Variants in GLT1D1 observed in about 807,000 individuals in gnomAD.
GLT1D1 encodes glycosyltransferase 1 domain containing 1, also known as glycosyltransferase 1 domain-containing protein 1.
Under a neutral mutation model 28.7 loss-of-function variants are expected in GLT1D1, and 21 were observed. The ratio of observed to expected loss-of-function variants is 0.73; its 90% confidence interval spans 0.52 to 1.05. The LOEUF (loss-of-function observed/expected upper bound fraction) is 1.05. GLT1D1 is among the 50% of genes least tolerant of loss of function. GLT1D1 has a pLI of 0.00. For missense variants in GLT1D1, 343 were observed against 330.6 expected, an observed-to-expected ratio of 1.04 and a Z score of -0.29; for synonymous variants, 147 against 124.8, an observed-to-expected ratio of 1.18 and a Z score of -1.19.
intron 4 of GLT1D1, among the ~76,000 whole-genome samples, chr12:128,908,147 T>C (rs1871075638): frequency 6.6e-6 from 1 of 152,042 alleles, no homozygotes; most frequent in Non-Finnish European, 1.5e-5. Context: ...AGTGGTGCGA[T>C]CTCAGCTCAC....
intron 4 of GLT1D1, among the ~76,000 whole-genome samples, chr12:128,906,242 G>A (rs762228868): frequency 3.3e-4 from 50 of 152,292 alleles, no homozygotes; most frequent in Non-Finnish European, 6.2e-4. Context: ...AATATTTTAT[G>A]TAGGATTTTG....
At chr12:128,866,471 G>C (rs1368942395) in intron 1 of GLT1D1, among the ~76,000 whole-genome samples, 1 of 151,792 alleles carries the variant, frequency 6.6e-6, no homozygotes, top group African/African-American at 2.4e-5. Flanking sequence ...TGCTGTACAA[G>C]CTATTCCTCC....
chr12:128,927,067 A>C (rs1873298826), intron 4 of GLT1D1, 38 bp from the exon 8 acceptor site: 1 of 1,486,628 alleles, frequency 6.7e-7, no homozygotes, highest in Non-Finnish European at 9.1e-7. Flanking sequence ...ACTTAAACCC[A>C]TTTGAAGTGT....
chr12:128,914,700 C>A (rs998102414), intron 4 of GLT1D1, among the ~76,000 whole-genome samples: 1 of 151,858 alleles, frequency 6.6e-6, no homozygotes, highest in Non-Finnish European at 1.5e-5. Context: ...GGCGCCTATA[C>A]TCCCAGCTAC....
chr12:128,893,110 T>G (rs1869249400), intron 3 of GLT1D1, among the ~76,000 whole-genome samples: 1 of 152,072 alleles, frequency 6.6e-6, no homozygotes, highest in Non-Finnish European at 1.5e-5. Flanking sequence ...CTGGGCATGG[T>G]GACACATGCC....
chr12:128,858,513 A>G (rs1170618602), intron 1 of GLT1D1, among the ~76,000 whole-genome samples: 7 of 152,122 alleles, frequency 4.6e-5, no homozygotes, highest in East Asian at 1.9e-4. Context: ...CTCTACTAAA[A>G]ATACCAAAAT....
chr12:128,959,108 A>ACCACC (rs1877626673), intron 7 of GLT1D1, among the ~76,000 whole-genome samples: 2 of 151,944 alleles, frequency 1.3e-5, no homozygotes, highest in Non-Finnish European at 2.9e-5. Flanking sequence ...AAGTACTGGG[A>ACCACC]TTACAGGCAT....
chr12:128,884,024 A>G (rs1460246721), intron 2 of GLT1D1, among the ~76,000 whole-genome samples: 1 of 152,184 alleles, frequency 6.6e-6, no homozygotes, highest in Non-Finnish European at 1.5e-5. Flanking sequence ...CGAAAAATGA[A>G]AAATAGAACT....
chr12:128,885,153 A>C (rs1199935237), intron 2 of GLT1D1, among the ~76,000 whole-genome samples: 1 of 152,108 alleles, frequency 6.6e-6, no homozygotes, highest in Non-Finnish European at 1.5e-5. Flanking sequence ...AGTTTGCAAA[A>C]ATATTTTATC....
At chr12:128,967,280 T>C (rs1878550489) in intron 7 of GLT1D1, among the ~76,000 whole-genome samples, 1 of 152,262 alleles carries the variant, frequency 6.6e-6, no homozygotes, top group Non-Finnish European at 1.5e-5. Context: ...CAAACGCTAA[T>C]GGCTTTAATA....
intron 4 of GLT1D1, among the ~76,000 whole-genome samples, chr12:128,922,946 A>AAAAAG (rs869247358): frequency 7.1e-6 from 1 of 141,416 alleles, no homozygotes; most frequent in Non-Finnish European, 1.5e-5. Flanking sequence ...AAAAAAAAAA[A>AAAAAG]GAGTATTAAG....
At chr12:128,894,958 T>C (rs11836174) in intron 3 of GLT1D1, among the ~76,000 whole-genome samples, 1,529 of 152,060 alleles carry the variant, frequency 0.01, 23 homozygotes, top group African/African-American at 0.035. Flanking sequence ...TATTTTTGTT[T>C]ATTCGGTTGC....
intron 4 of GLT1D1, among the ~76,000 whole-genome samples, 176 bp downstream of exon 7, chr12:128,926,630 C>A (rs564103840): frequency 1.2e-3 from 189 of 152,296 alleles, no homozygotes; most frequent in African/African-American, 4.4e-3. Context: ...GGATCAGCAG[C>A]TCTTTGGAGG....
intron 3 of GLT1D1, among the ~76,000 whole-genome samples, chr12:128,896,554 A>G (rs953527996): frequency 2.0e-5 from 3 of 147,320 alleles, no homozygotes; most frequent in Non-Finnish European, 4.5e-5. Context: ...ATTTTTGAAA[A>G]TTTGGGCTGA....
chr12:128,865,564 T>C (rs1956492576), intron 1 of GLT1D1, among the ~76,000 whole-genome samples: 1 of 152,166 alleles, frequency 6.6e-6, no homozygotes. Flanking sequence ...GGCTCACGCC[T>C]GTAATCCCAG....
intron 4 of GLT1D1, among the ~76,000 whole-genome samples, chr12:128,936,881 T>G (rs1355889282): frequency 6.6e-6 from 1 of 152,198 alleles, no homozygotes; most frequent in African/African-American, 2.4e-5. Flanking sequence ...TATCCCCCCT[T>G]CTTTTTCTCT....
chr12:128,948,694 G>T (rs961995335), intron 6 of GLT1D1, among the ~76,000 whole-genome samples: 1 of 148,748 alleles, frequency 6.7e-6, no homozygotes, highest in African/African-American at 2.4e-5. Flanking sequence ...TATCCCCTTG[G>T]ATACCAGGTG....
intron 4 of GLT1D1, chr12:128,945,124 G>A (rs1013123454): frequency 4.1e-6 from 3 of 728,878 alleles, no homozygotes; most frequent in Non-Finnish European, 7.6e-6. Flanking sequence ...GAAGTATTGA[G>A]TGATACGCGA....
intron 1 of GLT1D1, among the ~76,000 whole-genome samples, chr12:128,867,570 G>A (rs554590964): frequency 1.1e-3 from 171 of 152,266 alleles, no homozygotes; most frequent in African/African-American, 3.8e-3. Context: ...GAGAGGTTCC[G>A]ACGCAGTAGT....
Sources: allele counts gnomAD v4.1 joint callset (sites outside exome capture counted in the v4.1 genomes callset), GRCh38; gene constraint gnomAD v4.1.1; transcripts MANE v1.5; gene names NCBI Gene and HGNC (gene_info 2026-07-23, HGNC 2026-07-21).